NR3C2: variants seen among roughly 807,000 people sequenced by gnomAD.
The protein encoded by NR3C2 is nuclear receptor subfamily 3 group C member 2, also known as mineralocorticoid receptor.
Under a neutral mutation model 86.4 loss-of-function variants are expected in NR3C2, and 15 were observed. The ratio of observed to expected loss-of-function variants is 0.17; its 90% CI spans 0.12 to 0.27. The LOEUF is 0.27. Ranked by LOEUF, NR3C2 falls within the 10% of genes least tolerant of loss-of-function variation. The pLI, the probability that NR3C2 is intolerant of heterozygous loss-of-function variation, is 1.00. For missense variants in NR3C2, 960 were observed against 1,195.6 expected (o/e 0.80, Z 2.91); for synonymous variants, 458 against 450.5 (o/e 1.02, Z -0.21).
At chr4:148,366,999 C>A (rs1006901370) in intron 2 of NR3C2, among the ~76,000 whole-genome samples, 1 of 152,128 alleles carries the variant, frequency 6.6e-6, no homozygotes, top group Non-Finnish European at 1.5e-5. Context: ...AGCCTGTATA[C>A]TATTTTAATA....
At chr4:148,203,514 G>T (rs1736838262) in intron 3 of NR3C2, among the ~76,000 whole-genome samples, 1 of 151,200 alleles carries the variant, frequency 6.6e-6, no homozygotes, top group Admixed American at 6.6e-5. Flanking sequence ...CACTATTTTG[G>T]GCTACATCAC....
Position 148,436,861 on chromosome 4 carries a change from C to A in NR3C2, c.-1G>T, listed in dbSNP as rs545072192. 1.7e-5 allele frequency: 27 copies of A among 1,602,972 alleles called. No homozygotes were observed. The African/African-American group carries it at 3.3e-4, about 20-fold the overall frequency. Reference sequence around the variant, plus strand: ...GACTGTGGTAGCCTTTGGTCTCCATCGCTAACAAATAAATTTACATTAAAA... The same window carrying A: ...GACTGTGGTAGCCTTTGGTCTCCATAGCTAACAAATAAATTTACATTAAAA... On this transcript the variant is annotated splice_region_variant and 5_prime_UTR_variant, in exon 2 of 9. Coordinates refer to ENST00000358102, the MANE Select transcript of NR3C2 (RefSeq NM_000901.5).
chr4:148,352,390 A>G (rs1284063771), intron 2 of NR3C2, among the ~76,000 whole-genome samples: 1 of 142,060 alleles, frequency 7.0e-6, no homozygotes, highest in Non-Finnish European at 1.5e-5. Context: ...CTATCTATCT[A>G]TCTATCTATC....
intron 3 of NR3C2, among the ~76,000 whole-genome samples, chr4:148,247,274 G>A (rs897133591): frequency 2.1e-4 from 32 of 152,144 alleles, no homozygotes; most frequent in African/African-American, 7.7e-4. Flanking sequence ...GCTCAATAGA[G>A]GTTAATTTTT....
chr4:148,369,731 G>A (rs2126373609), intron 2 of NR3C2, among the ~76,000 whole-genome samples: 1 of 152,246 alleles, frequency 6.6e-6, no homozygotes, highest in South Asian at 2.1e-4. Context: ...ACATCTATGT[G>A]CCCCTCTGGC....
chr4:148,237,839 C>T (rs1475198558), intron 3 of NR3C2, among the ~76,000 whole-genome samples: 1 of 151,962 alleles, frequency 6.6e-6, no homozygotes, highest in Non-Finnish European at 1.5e-5. Flanking sequence ...AATGAACTTC[C>T]AAAACTATTA....
At chr4:148,246,290 T>C (rs2149854674) in intron 3 of NR3C2, among the ~76,000 whole-genome samples, 1 of 152,310 alleles carries the variant, frequency 6.6e-6, no homozygotes, top group Admixed American at 6.5e-5. Flanking sequence ...TCACCTATAA[T>C]GCATAGTAGA....
intron 2 of NR3C2, among the ~76,000 whole-genome samples, chr4:148,270,581 T>G (rs996386573): frequency 1.3e-5 from 2 of 152,164 alleles, no homozygotes; most frequent in Admixed American, 6.5e-5. Context: ...GAATTACCAC[T>G]CCTCAAAATA....
chr4:148,189,893 T>G (rs1320560103), intron 4 of NR3C2, among the ~76,000 whole-genome samples: 1 of 152,200 alleles, frequency 6.6e-6, no homozygotes, highest in Non-Finnish European at 1.5e-5. Context: ...TATCTCCTAT[T>G]TTGTTCCTTA....
chr4:148,412,964 T>C (rs564111682), intron 2 of NR3C2, among the ~76,000 whole-genome samples: 1 of 152,320 alleles, frequency 6.6e-6, no homozygotes, highest in South Asian at 2.1e-4. Context: ...TGTGTGGCCT[T>C]GTATTTATTT....
chr4:148,259,370 A>T (rs1465034171), intron 3 of NR3C2, among the ~76,000 whole-genome samples: 2 of 152,318 alleles, frequency 1.3e-5, no homozygotes, highest in East Asian at 3.9e-4. Context: ...ATTTCTCCTT[A>T]AGGAGTACGA....
intron 2 of NR3C2, among the ~76,000 whole-genome samples, chr4:148,424,015 C>T (rs760410206): frequency 1.3e-5 from 2 of 152,150 alleles, no homozygotes; most frequent in Admixed American, 1.3e-4. Context: ...GCCCAGCCTA[C>T]CAATACAGAA....
At chr4:148,157,836 T>C (rs1326364798) in intron 4 of NR3C2, among the ~76,000 whole-genome samples, 2 of 152,204 alleles carry the variant, frequency 1.3e-5, no homozygotes, top group Non-Finnish European at 2.9e-5. Flanking sequence ...ATAAGAGTAA[T>C]TTGTGTTTAT....
At chr4:148,088,553 T>C (rs549187093) in intron 8 of NR3C2, among the ~76,000 whole-genome samples, 5 of 147,422 alleles carry the variant, frequency 3.4e-5, no homozygotes, top group Admixed American at 6.6e-5. Context: ...GATGAGTTCA[T>C]GTCCTTTGCA....
At chr4:148,398,850 C>T (rs1051540626) in intron 2 of NR3C2, among the ~76,000 whole-genome samples, 4 of 152,006 alleles carry the variant, frequency 2.6e-5, no homozygotes, top group East Asian at 1.9e-4. Context: ...TAAAGAGTAA[C>T]GATTGTGTAC....
intron 8 of NR3C2, among the ~76,000 whole-genome samples, chr4:148,082,993 C>T (rs1730649487): frequency 6.6e-6 from 1 of 152,038 alleles, no homozygotes; most frequent in Non-Finnish European, 1.5e-5. Context: ...CACTGCAGCT[C>T]CCCAAAACCA....
At chr4:148,186,988 GTATGTATGTATATATATATATATATA>G (rs1366704054) in intron 4 of NR3C2, among the ~76,000 whole-genome samples, 9 of 13,704 alleles carry the variant, frequency 6.6e-4, no homozygotes, top group African/African-American at 1.7e-3. Flanking sequence ...ACTGATGTGT[GTATGTATGTATATATATATATATATA>G]TATATATATA....
At chr4:148,196,340 C>T (rs1436995791) in intron 3 of NR3C2, among the ~76,000 whole-genome samples, 1 of 152,210 alleles carries the variant, frequency 6.6e-6, no homozygotes, top group Non-Finnish European at 1.5e-5. Context: ...GCCTGATCAG[C>T]ATCCAAGTGG....
At chr4:148,365,038 G>T (rs1341237737) in intron 2 of NR3C2, among the ~76,000 whole-genome samples, 1 of 152,104 alleles carries the variant, frequency 6.6e-6, no homozygotes, top group Non-Finnish European at 1.5e-5. Context: ...CCACCCATGT[G>T]GACAATCTGT....
Sources: allele counts gnomAD v4.1 joint callset (sites outside exome capture counted in the v4.1 genomes callset), GRCh38; gene constraint gnomAD v4.1.1; transcripts MANE v1.5; gene names NCBI Gene and HGNC (gene_info 2026-07-23, HGNC 2026-07-21).